GPBP1L1: variants seen among roughly 807,000 people sequenced by gnomAD.
GPBP1L1 encodes vasculin-like protein 1.
Under a neutral mutation model 52.5 loss-of-function variants are expected in GPBP1L1, and 23 were observed. The ratio of observed to expected loss-of-function variants is 0.44; its 90% CI spans 0.32 to 0.62. The LOEUF (loss-of-function observed/expected upper bound fraction) is 0.62. Among genes scored for constraint, GPBP1L1 ranks in the 20% least tolerant of loss-of-function variants. GPBP1L1 has a pLI of 0.06. For missense variants in GPBP1L1, 596 were observed against 579.3 expected, an observed-to-expected ratio of 1.03 and a Z score of -0.30; for synonymous variants, 243 against 203.1, an observed-to-expected ratio of 1.20 and a Z score of -1.67.
chr1:45,681,159 ATAAAGT>A (rs1645208124), intron 2 of GPBP1L1, among the ~76,000 whole-genome samples: 1 of 152,244 alleles, frequency 6.6e-6, no homozygotes, highest in Admixed American at 6.5e-5. Flanking sequence ...TAAATAAACC[ATAAAGT>A]TATTCTATGT....
intron 6 of GPBP1L1, among the ~76,000 whole-genome samples, chr1:45,643,354 G>C (rs1288765837): frequency 6.6e-6 from 1 of 152,146 alleles, no homozygotes; most frequent in Non-Finnish European, 1.5e-5. Flanking sequence ...GGGAGATTAA[G>C]TTTTATTCTA....
chr1:45,633,080 C>T (rs950400453), intron 10 of GPBP1L1, among the ~76,000 whole-genome samples: 1 of 152,194 alleles, frequency 6.6e-6, no homozygotes, highest in South Asian at 2.1e-4. Context: ...AATGGCACAA[C>T]CACTTTGGAA....
chr1:45,642,318 A>G (rs1332361009), intron 7 of GPBP1L1, 109 bp downstream of exon 7: 8 of 776,202 alleles, frequency 1.0e-5, no homozygotes, highest in Non-Finnish European at 1.8e-5. Flanking sequence ...CCATGGGCAA[A>G]TGCATGAGAT....
At chr1:45,673,737 C>T (rs912446866) in intron 2 of GPBP1L1, among the ~76,000 whole-genome samples, 1 of 152,142 alleles carries the variant, frequency 6.6e-6, no homozygotes, top group Non-Finnish European at 1.5e-5. Context: ...TGGCACATGC[C>T]TGTAATCCCA....
At chr1:45,666,290 C>T (rs376729271) in intron 2 of GPBP1L1, among the ~76,000 whole-genome samples, 3 of 151,930 alleles carry the variant, frequency 2.0e-5, no homozygotes, top group Non-Finnish European at 2.9e-5. Context: ...GGACTACAGG[C>T]GCCCACCACC....
chr1:45,667,009 A>ATTC (rs1645018146), intron 2 of GPBP1L1, among the ~76,000 whole-genome samples: 2 of 152,220 alleles, frequency 1.3e-5, no homozygotes, highest in Non-Finnish European at 2.9e-5. Context: ...AGCTAAAAAC[A>ATTC]GATCAGTGAT....
At position 45,645,273 on chromosome 1, in the gene GPBP1L1, C is replaced by T. The variant is rs545000292; in HGVS notation, c.478-2774G>A. On this transcript the variant is annotated intron_variant, in intron 6 of 12. Coordinates refer to ENST00000355105, the MANE Select transcript of GPBP1L1 (RefSeq NM_021639.5). ...TTTATGTCTTTTCAGTGGACAGAAC[C>T]GCCTAGAAGTATGTATTTTTCACTC... 1.3e-4 allele frequency among the ~76,000 whole-genome samples: 20 copies of T among 152,210 alleles called. No individual in the cohort carries two copies. The South Asian group carries it at 3.3e-3, about 25-fold the overall frequency.
chr1:45,685,621 C>A lies in GPBP1L1; in HGVS notation c.-1142-1G>T, dbSNP rs989074953. Reference sequence around the variant, plus strand: ...AGGAGAGTTAAAGGTGAGACACCAACTGCAAAAAACCAAAATATCAAAAGA... The same window carrying A: ...AGGAGAGTTAAAGGTGAGACACCAAATGCAAAAAACCAAAATATCAAAAGA... On this transcript the variant is annotated splice_acceptor_variant, in intron 1 of 12. Coordinates refer to ENST00000355105, the MANE Select transcript of GPBP1L1 (RefSeq NM_021639.5). LOFTEE classifies it low-confidence loss of function (5UTR_SPLICE). The A allele has an allele frequency of 4.6e-5, 7 of 152,218 alleles. No individual in the cohort carries two copies. Among genetic ancestry groups the A allele is most frequent in the African/African-American group, 1.7e-4 (7 of 41,450 alleles). 9.4% of individuals were successfully genotyped at this position (152,218 alleles called of 1,614,324 possible).
At position 45,633,589 on chromosome 1, in the gene GPBP1L1, G is replaced by A. The variant is rs200938391; in HGVS notation, c.944C>T (p.Thr315Ile). 2 of 1,613,602 alleles carry A rather than the reference G, an allele frequency of 1.2e-6. No homozygotes were observed. The highest frequency in any genetic ancestry group is 4.5e-5 in the East Asian group (2 of 44,854). Residue 315 changes from threonine (T) to isoleucine (I), a missense_variant, in exon 10 of 13, where the codon ACC becomes ATC. Transcript: ENST00000355105. ...EISSSRLTKL[T>I]RRTTDRKSEF... ...ACTCTTCCTGTCGGTGGTTCGGCGG[G>A]TCAACTTGGTCAGACGAGAGGAGCT...
intron 8 of GPBP1L1, among the ~76,000 whole-genome samples, chr1:45,639,574 T>TTAA (rs1378940350): frequency 3.1e-5 from 4 of 130,116 alleles, no homozygotes; most frequent in Non-Finnish European, 4.9e-5. Flanking sequence ...AAAAAATAAT[T>TTAA]AAAAAAAAAA....
intron 6 of GPBP1L1, among the ~76,000 whole-genome samples, chr1:45,648,689 G>A (rs1644783573): frequency 6.6e-6 from 1 of 152,122 alleles, no homozygotes; most frequent in East Asian, 1.9e-4. Flanking sequence ...GATTTTGTTG[G>A]TTCCTCAACT....
chr1:45,645,673 C>A (rs1644734355), intron 6 of GPBP1L1: 1 of 319,086 alleles, frequency 3.1e-6, no homozygotes, highest in African/African-American at 2.2e-5. Flanking sequence ...GTATTTACCA[C>A]CATTCCTTTT....
chr1:45,651,828 T>C (rs1201928709), intron 6 of GPBP1L1: 1 of 256,640 alleles, frequency 3.9e-6, no homozygotes, highest in Admixed American at 5.4e-5. Context: ...TTTCGGCATC[T>C]TGGGTGGCGG....
rs184939288 is a variant in GPBP1L1 at position 45,661,487 on chromosome 1, C to T, written c.-1097-262G>A. ...TTTTTTTTTTGGAGATGGAGTTTCG[C>T]TCTTGTTGCCCAAGCTGGAGTGCAA... On this transcript the variant is annotated intron_variant, in intron 2 of 12. Transcript: ENST00000355105. Among the ~76,000 whole-genome samples the T allele has an allele frequency of 3.3e-5, 5 of 150,452 alleles. No homozygotes were observed. In the East Asian group the frequency reaches 9.7e-4, roughly 29 times the overall value.
At chr1:45,686,258 G>A (rs1005408770) in intron 1 of GPBP1L1, among the ~76,000 whole-genome samples, 154 bp downstream of exon 1, 3 of 152,248 alleles carry the variant, frequency 2.0e-5, no homozygotes, top group African/African-American at 7.2e-5. Context: ...CGTGGGCTCC[G>A]CTCGCCCCTC....
rs1644939092 is a variant in GPBP1L1, at chr1:45,660,825, T to G, written c.-697A>C. 6.6e-6 allele frequency: 1 copy of G among 152,260 alleles called. No individual in the cohort carries two copies. The highest frequency in any genetic ancestry group is 1.5e-5 in the Non-Finnish European group (1 of 68,110). The allele number at this position is 152,260 out of a possible 1,614,324, so 9.4% of individuals were successfully genotyped here. On this transcript the variant is annotated 5_prime_UTR_variant, in exon 3 of 13. Coordinates refer to ENST00000355105, the MANE Select transcript of GPBP1L1 (RefSeq NM_021639.5). Reference sequence around the variant, plus strand: ...AAATCTAGGGACATAAATCTTGTCTTTGTTAAAAAAAAATAAAAAATAAAA... The same window carrying G: ...AAATCTAGGGACATAAATCTTGTCTGTGTTAAAAAAAAATAAAAAATAAAA...
intron 2 of GPBP1L1, among the ~76,000 whole-genome samples, chr1:45,683,200 G>A (rs1370339055): frequency 7.2e-6 from 1 of 139,108 alleles, no homozygotes; most frequent in Non-Finnish European, 1.5e-5. Context: ...TTTGAATATA[G>A]GCCTTTTTTT....
chr1:45,666,144 T>C (rs1401117456), intron 2 of GPBP1L1, among the ~76,000 whole-genome samples: 1 of 151,150 alleles, frequency 6.6e-6, no homozygotes, highest in Non-Finnish European at 1.5e-5. Flanking sequence ...TTTTTTTTTT[T>C]AGACGGAGTC....
chr1:45,671,178 T>C (rs1485377430), intron 2 of GPBP1L1, among the ~76,000 whole-genome samples: 1 of 149,410 alleles, frequency 6.7e-6, no homozygotes, highest in East Asian at 2.0e-4. Flanking sequence ...AATATACCTA[T>C]AAAATGCCTT....
Sources: gnomAD v4.1 joint callset for allele counts (sites outside exome capture counted in the v4.1 genomes callset) on GRCh38, gnomAD v4.1.1 for gene constraint, MANE v1.5 for transcripts, NCBI Gene and HGNC (gene_info 2026-07-23, HGNC 2026-07-21) for gene names.